COL6A3: variants seen among roughly 807,000 people sequenced by gnomAD.
COL6A3 encodes the protein collagen alpha-3(VI) chain.
Under a neutral mutation model 274.1 loss-of-function variants are expected in COL6A3, and 137 were observed. The ratio of observed to expected loss-of-function variants is 0.50; its 90% CI spans 0.44 to 0.58. The LOEUF (loss-of-function observed/expected upper bound fraction) is 0.58, where lower values mean the gene tolerates loss of function less well. COL6A3 is among the 20% of genes least tolerant of loss of function. COL6A3 has a pLI of 0.00. For missense variants in COL6A3, 3,950 were observed against 4,124.9 expected (o/e 0.96, Z 1.16); for synonymous variants, 1,650 against 1,650.6 (o/e 1.00, Z 0.01).
chr2:237,404,852 ATCAC>A (rs1169090747), intron 1 of COL6A3, among the ~76,000 whole-genome samples: 1 of 152,234 alleles, frequency 6.6e-6, no homozygotes, highest in Non-Finnish European at 1.5e-5. Flanking sequence ...AGTCTAAGAC[ATCAC>A]TCACTTACTT....
In COL6A3 at chr2:237,368,747, C is replaced by A; in HGVS notation, c.4716G>T (p.Gly1572=). The change falls in exon 10 of 44, where the codon GGG becomes GGT. Residue 1572 remains glycine, a synonymous_variant. Transcript: ENST00000295550. The surrounding 1 kb of genome is among the most constrained non-coding windows in gnomAD (Gnocchi z 4.4). ...VIRSSGIVSL[G]VGDRNIDRTE... ...TTCTGTCGATGTTCCGGTCTCCTAC[C>A]CCTAAACTCACAATGCCCGAGGAAC... 6.2e-7 allele frequency: 1 copy of A among 1,614,148 alleles called. No homozygotes were observed. The highest frequency in any genetic ancestry group is 8.5e-7 in the Non-Finnish European group (1 of 1,180,040).
At chr2:237,331,642 C>T (rs920359399) in intron 42 of COL6A3, among the ~76,000 whole-genome samples, 3 of 151,622 alleles carry the variant, frequency 2.0e-5, no homozygotes, top group Non-Finnish European at 4.4e-5. Context: ...CAGGCCAAGG[C>T]AGGTTAAGTG....
In COL6A3 at chr2:237,407,581, A is replaced by T. The variant is rs890980651; in HGVS notation, c.-31+6372T>A. 1.2e-4 allele frequency among the ~76,000 whole-genome samples: 18 copies of T among 152,378 alleles called. No individual in the cohort carries two copies. The highest frequency in any genetic ancestry group is 6.8e-3 in the Middle Eastern group (2 of 294). ...GCCAGGCTTAGGCCAAGCTCCTCAG[A>T]GGTGGGTCTCCTTCCCATTACAAAG... On this transcript the variant is annotated intron_variant, in intron 1 of 43. Coordinates refer to ENST00000295550, the MANE Select transcript of COL6A3 (RefSeq NM_004369.4). This position sits in a 1 kb window ranked among gnomAD's most constrained non-coding sequence, Gnocchi z 4.3.
At position 237,374,715 on chromosome 2, in the gene COL6A3, T is replaced by C. The variant is rs1409355234; in HGVS notation, c.3376A>G (p.Ser1126Gly). 6.2e-7 allele frequency: 1 copy of C among 1,613,368 alleles called. No homozygotes were observed. Among genetic ancestry groups the C allele is most frequent in the African/African-American group, 1.3e-5 (1 of 75,046 alleles). ...TGGGGCACACCTTCTGTTATCCTGC[T>C]TCCCGCAGAGCTGACCAGGATGTTC... ...LRNILVSSAG[S>G]RITEGVPQLL... is the part of the protein sequence containing the mutation. The change falls in exon 8 of 44, where the codon AGC (serine) becomes GGC (glycine). Residue 1126 changes from serine to glycine, a missense_variant. Around this residue, in one of 5 missense-constraint regions of COL6A3, gnomAD observed 1,934 missense variants for 1,984.3 expected, o/e 0.97. Transcript: ENST00000295550. This position sits in a 1 kb window ranked among gnomAD's most constrained non-coding sequence, Gnocchi z 4.8.
Position 237,407,768 on chromosome 2 carries a change from C to G in COL6A3, c.-31+6185G>C, listed in dbSNP as rs985990871. On this transcript the variant is annotated intron_variant, in intron 1 of 43. Coordinates refer to ENST00000295550, the MANE Select transcript of COL6A3 (RefSeq NM_004369.4). This position sits in a 1 kb window ranked among gnomAD's most constrained non-coding sequence, Gnocchi z 4.3. ...GCAAATGTAAAACACATTCCACATT[C>G]TGAAATATACGGCAGCCAGACAAGA... 2.6e-5 allele frequency among the ~76,000 whole-genome samples: 4 copies of G among 152,220 alleles called. No individual in the cohort carries two copies. The highest frequency in any genetic ancestry group is 4.4e-5 in the Non-Finnish European group (3 of 68,052).
Position 237,367,283 on chromosome 2 carries a change from T to C in COL6A3, c.4904A>G (p.Lys1635Arg). The change falls in exon 11 of 44, where the codon AAG (lysine) becomes AGG (arginine). Residue 1635 changes from lysine (K) to arginine (R), a missense_variant. Around this residue, in one of 5 missense-constraint regions of COL6A3, gnomAD observed 632 missense variants for 623.4 expected, o/e 1.01. Transcript: ENST00000295550. ...CAGGAACACAATGTCTGCTTTCTTC[T>C]TCTCTAGAAGTGATTAAAGTGAAAA... Reference protein sequence around the residue: ...VDTPPPSRPEKKKADIVFLLD... With the variant: ...VDTPPPSRPERKKADIVFLLD... 1 of 1,613,418 alleles carries C rather than the reference T, an allele frequency of 6.2e-7. No homozygotes were observed. Among genetic ancestry groups the C allele is most frequent in the African/African-American group, 1.3e-5 (1 of 74,996 alleles).
chr2:237,389,188 G>C (rs113837609), intron 3 of COL6A3, among the ~76,000 whole-genome samples: 4 of 152,162 alleles, frequency 2.6e-5, no homozygotes, highest in Admixed American at 6.5e-5. Flanking sequence ...TGCTGAGAAC[G>C]GGGTTATATA....
chr2:237,327,742 T>C (rs1700026406), intron 42 of COL6A3: 1 of 152,054 alleles, frequency 6.6e-6, no homozygotes, highest in Non-Finnish European at 1.5e-5. Flanking sequence ...AGGCTTCTAA[T>C]GCAAACTCCA....
chr2:237,337,632 T>A (rs1306811927), intron 39 of COL6A3, among the ~76,000 whole-genome samples: 1 of 152,246 alleles, frequency 6.6e-6, no homozygotes, highest in Non-Finnish European at 1.5e-5. Flanking sequence ...AAGTTCAGAA[T>A]CTGCAGAATC....
intron 3 of COL6A3, among the ~76,000 whole-genome samples, chr2:237,393,976 C>T (rs576293849): frequency 6.6e-6 from 1 of 152,328 alleles, no homozygotes; most frequent in African/African-American, 2.4e-5. Context: ...ATAAGAAGAC[C>T]AGACCCACAG....
At chr2:237,345,142 C>G (rs769972446) in intron 33 of COL6A3, 39 bp downstream of exon 33, 1 of 1,614,110 alleles carries the variant, frequency 6.2e-7, no homozygotes, top group South Asian at 1.1e-5. Context: ...ATCAAAGGCT[C>G]ATGAGGTTAA....
At chr2:237,360,239 G>T (rs2077404835) in intron 16 of COL6A3, 80 bp from the exon 17 acceptor site, 3 of 1,377,172 alleles carry the variant, frequency 2.2e-6, no homozygotes, top group South Asian at 1.2e-5. Flanking sequence ...CAGCGTAAAG[G>T]GTACTGTGAA....
chr2:237,402,357 C>T (rs986971377), intron 1 of COL6A3, among the ~76,000 whole-genome samples: 1 of 152,064 alleles, frequency 6.6e-6, no homozygotes, highest in African/African-American at 2.4e-5. Flanking sequence ...TAAATATAGT[C>T]AAGATAGTAT....
intron 39 of COL6A3, among the ~76,000 whole-genome samples, chr2:237,336,841 A>G (rs961478326): frequency 3.3e-5 from 5 of 152,224 alleles, no homozygotes; most frequent in African/African-American, 1.2e-4. Context: ...ATAATATCCA[A>G]CAATGTTCTC....
rs2077575634 is a variant in COL6A3, at chr2:237,367,200, A to T, written c.4987T>A (p.Ser1663Thr). 21 of 1,614,016 alleles carry T rather than the reference A, an allele frequency of 1.3e-5. No homozygotes were observed. The highest frequency in any genetic ancestry group is 1.8e-5 in the Non-Finnish European group (21 of 1,179,888). ...TCATAAACTGTGTCCACTATTTCAG[A>T]CACAAAACGAAGCACTTCCTGGAAA... ...DSFQEVLRFV[S>T]EIVDTVYEDG... The change falls in exon 11 of 44, where the codon TCT becomes ACT. Residue 1663 changes from serine (S) to threonine (T), a missense_variant. Transcript: ENST00000295550.
At chr2:237,348,709 C>T (rs758235331) in intron 28 of COL6A3, 46 bp from the exon 29 acceptor site, 5 of 1,554,194 alleles carry the variant, frequency 3.2e-6, no homozygotes, top group Admixed American at 3.3e-5. Context: ...ATGCCTGGCA[C>T]ACCATAACCA....
In COL6A3 at chr2:237,368,247, A is replaced by G. The variant is rs1250138232; in HGVS notation, c.4900+316T>C. The stretch of plus-strand genomic sequence containing the variant: ...AGGCATGGGCCAACTTCAAAGTCAC[A>G]TTCAGTGGGGCATGGACTGGCTGAT... On this transcript the variant is annotated intron_variant, in intron 10 of 43. Transcript: ENST00000295550. This position sits in a 1 kb window ranked among gnomAD's most constrained non-coding sequence, Gnocchi z 4.4. 6.6e-6 allele frequency among the ~76,000 whole-genome samples: 1 copy of G among 152,218 alleles called. No individual in the cohort carries two copies. The highest frequency in any genetic ancestry group is 1.5e-5 in the Non-Finnish European group (1 of 68,030).
chr2:237,375,145 A>G (rs2077803618), intron 7 of COL6A3, 125 bp from the exon 8 acceptor site: 2 of 1,409,708 alleles, frequency 1.4e-6, no homozygotes, highest in Admixed American at 3.7e-5. Flanking sequence ...TGAGAAAAGG[A>G]CTTTGCAGAT....
In COL6A3 at chr2:237,368,127, G is replaced by A. The variant is rs2077597127; in HGVS notation, c.4900+436C>T. Among the ~76,000 whole-genome samples, 1 of 152,240 alleles carries A rather than the reference G, an allele frequency of 6.6e-6. No homozygotes were observed. The highest frequency in any genetic ancestry group is 2.4e-5 in the African/African-American group (1 of 41,452). On this transcript the variant is annotated intron_variant, in intron 10 of 43. Coordinates refer to ENST00000295550, the MANE Select transcript of COL6A3 (RefSeq NM_004369.4). The surrounding 1 kb of genome is among the most constrained non-coding windows in gnomAD (Gnocchi z 4.4). ...CCAGGAGCACGGGGTAGAAGCTGAG[G>A]TGGACGACTGCAAGTCTTCCAGGAA...
Sources: allele counts gnomAD v4.1 joint callset (sites outside exome capture counted in the v4.1 genomes callset), GRCh38; gene constraint gnomAD v4.1.1; regional missense constraint gnomAD v4.1.1; non-coding constraint Gnocchi (gnomAD v3.1); transcripts MANE v1.5; gene names NCBI Gene and HGNC (gene_info 2026-07-23, HGNC 2026-07-21).